The following NRXN3 variants were observed in gnomAD, a reference collection of about 807,000 sequenced individuals.
NRXN3 encodes neurexin III.
NRXN3 carries 32 observed loss-of-function variants against 137.6 expected under a neutral mutation model. The ratio of observed to expected loss-of-function variants is 0.23; its 90% CI spans 0.18 to 0.31. The LOEUF (loss-of-function observed/expected upper bound fraction) is 0.31, where lower values mean the gene tolerates loss of function less well. Among genes scored for constraint, NRXN3 ranks in the 10% least tolerant of loss-of-function variants. The probability of loss-of-function intolerance (pLI) is 1.00; values close to 1 mark genes in which losing one functional copy is unlikely to be tolerated. For missense variants in NRXN3, 1,574 were observed against 2,062.5 expected (o/e 0.76, Z 4.59); for synonymous variants, 798 against 784.5 (o/e 1.02, Z -0.29).
At chr14:79,697,515 C>T in intron 18 of NRXN3, 115 bp from the exon 19 acceptor site, 1 of 1,045,552 alleles carries the variant, frequency 9.6e-7, no homozygotes, top group Non-Finnish European at 1.4e-6. Flanking sequence ...TCTATTTTTT[C>T]CTCCCCTTCA....
chr14:79,533,160 A>G (rs1473522019), intron 16 of NRXN3, among the ~76,000 whole-genome samples: 2 of 152,150 alleles, frequency 1.3e-5, no homozygotes, highest in Non-Finnish European at 2.9e-5. Context: ...ATTCTTATGA[A>G]ATGATATTGT....
Position 79,538,175 on chromosome 14 carries a change from G to A in NRXN3, c.3444+70773G>A, listed in dbSNP as rs551228168. 4.0e-4 allele frequency among the ~76,000 whole-genome samples: 61 copies of A among 152,168 alleles called. 1 individual carries two copies. In the South Asian group the frequency reaches 6.8e-3, roughly 17 times the overall value. ...TCTTGTAAATTTGTTTGAGTTCATTGTAGATTCTGGATATTAGCCCTTTGT... is the reference window on the plus strand; with the variant it reads ...TCTTGTAAATTTGTTTGAGTTCATTATAGATTCTGGATATTAGCCCTTTGT... On this transcript the variant is annotated intron_variant, in intron 16 of 20. Transcript: ENST00000335750.
intron 15 of NRXN3, among the ~76,000 whole-genome samples, chr14:79,170,290 TAAAC>T (rs2061656056): frequency 1.3e-5 from 2 of 152,122 alleles, no homozygotes; most frequent in Non-Finnish European, 1.5e-5. Flanking sequence ...CACTGAAACT[TAAAC>T]AAATTATTTA....
chr14:78,710,793 C>CTGGA (rs997595587), intron 7 of NRXN3, among the ~76,000 whole-genome samples: 2 of 152,180 alleles, frequency 1.3e-5, no homozygotes, highest in Non-Finnish European at 2.9e-5. Flanking sequence ...TTAGGAAGAG[C>CTGGA]TGGATGGGTT....
chr14:78,461,602 T>C (rs2094923575), intron 4 of NRXN3, among the ~76,000 whole-genome samples: 1 of 152,192 alleles, frequency 6.6e-6, no homozygotes, highest in Admixed American at 6.5e-5. Flanking sequence ...TTAGTGTCTG[T>C]CCATCCAACC....
At chr14:79,033,928 C>T (rs2099611810) in intron 15 of NRXN3, among the ~76,000 whole-genome samples, 1 of 152,076 alleles carries the variant, frequency 6.6e-6, no homozygotes, top group African/African-American at 2.4e-5. Context: ...TAGAACCTGT[C>T]TCCATATAAA....
intron 1 of NRXN3, among the ~76,000 whole-genome samples, chr14:78,199,447 C>G (rs1218362970): frequency 6.6e-6 from 1 of 152,150 alleles, no homozygotes; most frequent in Non-Finnish European, 1.5e-5. Flanking sequence ...GGTGCTCTGC[C>G]AAGTATTACA....
At chr14:78,498,717 G>T (rs1306206205) in intron 4 of NRXN3, among the ~76,000 whole-genome samples, 4 of 152,090 alleles carry the variant, frequency 2.6e-5, no homozygotes, top group Non-Finnish European at 5.9e-5. Context: ...GACTTTAGTG[G>T]GTTTTAGAAG....
intron 15 of NRXN3, among the ~76,000 whole-genome samples, chr14:79,013,802 T>C (rs1346158833): frequency 6.6e-6 from 1 of 152,224 alleles, no homozygotes; most frequent in African/African-American, 2.4e-5. Flanking sequence ...TTTTTACTGA[T>C]ATATTAGGCA....
chr14:79,789,744 T>A (rs1307018538), intron 19 of NRXN3, among the ~76,000 whole-genome samples: 2 of 152,224 alleles, frequency 1.3e-5, no homozygotes, highest in Non-Finnish European at 2.9e-5. Flanking sequence ...AGATTTTGGC[T>A]AGCTTCTTTA....
At chr14:79,137,735 A>C (rs1490996241) in intron 15 of NRXN3, among the ~76,000 whole-genome samples, 2 of 152,230 alleles carry the variant, frequency 1.3e-5, no homozygotes, top group Non-Finnish European at 2.9e-5. Flanking sequence ...TAGCTTAAAA[A>C]ATGACAGAGC....
chr14:78,613,016 A>G (rs2097313172), intron 4 of NRXN3, among the ~76,000 whole-genome samples: 1 of 152,220 alleles, frequency 6.6e-6, no homozygotes, highest in South Asian at 2.1e-4. Flanking sequence ...TAGAACTGGC[A>G]GGAACCAGAG....
Position 78,892,774 on chromosome 14 carries a change from CTGTGTGTGTG to C in NRXN3, c.2276-64439_2276-64430del, listed in dbSNP as rs58718552. Among the ~76,000 whole-genome samples the C allele has an allele frequency of 9.6e-4, 135 of 140,138 alleles. 1 individual carries two copies. The highest frequency in any genetic ancestry group is 5.7e-3 in the East Asian group (27 of 4,712). 91.9% of individuals were successfully genotyped at this position (140,138 alleles called of 152,430 possible). On this transcript the variant is annotated intron_variant, in intron 10 of 20. Transcript: ENST00000335750. ...AACAACTCGGTAATGCCCCCATCTT[CTGTGTGTGTG>C]TGTGTGTGTGTGTGTGTGTGTGTGT...
chr14:79,844,944 G>A (rs2099363956), intron 20 of NRXN3, among the ~76,000 whole-genome samples: 1 of 152,166 alleles, frequency 6.6e-6, no homozygotes, highest in Non-Finnish European at 1.5e-5. Context: ...GTTTAGTGTA[G>A]CCACTTTGAT....
At chr14:78,819,003 G>C (rs1428789261) in intron 10 of NRXN3, among the ~76,000 whole-genome samples, 1 of 152,094 alleles carries the variant, frequency 6.6e-6, no homozygotes, top group Admixed American at 6.6e-5. Flanking sequence ...CATTTCTCAT[G>C]ATGGGGCCCT....
At chr14:79,408,317 A>G (rs531363260) in intron 15 of NRXN3, among the ~76,000 whole-genome samples, 2 of 152,248 alleles carry the variant, frequency 1.3e-5, no homozygotes, top group South Asian at 4.1e-4. Flanking sequence ...GTCATGTTTT[A>G]TGCTGTAGGG....
intron 4 of NRXN3, among the ~76,000 whole-genome samples, chr14:78,621,880 C>T (rs978484857): frequency 6.6e-6 from 1 of 151,406 alleles, no homozygotes; most frequent in Admixed American, 6.6e-5. Context: ...ACACTTATTA[C>T]CTTACTAATA....
At chr14:78,277,556 A>T (rs2073780320) in intron 2 of NRXN3, among the ~76,000 whole-genome samples, 1 of 152,090 alleles carries the variant, frequency 6.6e-6, no homozygotes. Flanking sequence ...AAAGAACTAA[A>T]CTAGGTACTT....
At position 78,986,754 on chromosome 14, in the gene NRXN3, G is replaced by T. The variant is rs140688427; in HGVS notation, c.3143-1268G>T. 1.3e-3 allele frequency among the ~76,000 whole-genome samples: 202 copies of T among 152,150 alleles called. 2 individuals carry two copies. The highest frequency in any genetic ancestry group is 4.7e-3 in the African/African-American group (195 of 41,518). The stretch of plus-strand genomic sequence containing the variant: ...GAATCCATTTTTAGCTTGGTGCAGT[G>T]GTTCACACCTGTAATCCCAGCACTT... On this transcript the variant is annotated intron_variant, in intron 14 of 20. Coordinates refer to ENST00000335750, the MANE Select transcript of NRXN3 (RefSeq NM_001330195.2).
Sources: gnomAD v4.1 joint callset for allele counts (sites outside exome capture counted in the v4.1 genomes callset) on GRCh38, gnomAD v4.1.1 for gene constraint, MANE v1.5 for transcripts, NCBI Gene and HGNC (gene_info 2026-07-23, HGNC 2026-07-21) for gene names.